ARHGEF4: variants seen among roughly 807,000 people sequenced by gnomAD.
The protein encoded by ARHGEF4 is Rho guanine nucleotide exchange factor 4.
In ARHGEF4, 119 loss-of-function variants were observed where a neutral mutation model predicts 162.0. The ratio of observed to expected loss-of-function variants is 0.73; its 90% confidence interval spans 0.63 to 0.86. The LOEUF is 0.86. ARHGEF4 is among the 40% of genes least tolerant of loss of function. The pLI, the probability that ARHGEF4 is intolerant of heterozygous loss-of-function variation, is 0.00. For missense variants in ARHGEF4, 2,488 were observed against 2,456.0 expected (o/e 1.01, Z -0.28); for synonymous variants, 1,014 against 979.9 (o/e 1.03, Z -0.65).
chr2:130,865,028 A>C (rs55852645), intron 1 of ARHGEF4, among the ~76,000 whole-genome samples: 12,603 of 152,248 alleles, frequency 0.083, 999 homozygotes, highest in African/African-American at 0.2. Flanking sequence ...AAAGCCGATA[A>C]GGTGATGCAA....
At chr2:130,901,236 G>C (rs1483482094) in intron 1 of ARHGEF4, among the ~76,000 whole-genome samples, 1 of 152,152 alleles carries the variant, frequency 6.6e-6, no homozygotes, top group Non-Finnish European at 1.5e-5. Flanking sequence ...CTGGGTGGAG[G>C]GCCAGGAGAC....
intron 4 of ARHGEF4, among the ~76,000 whole-genome samples, chr2:130,997,264 A>G (rs757855326): frequency 1.1e-4 from 17 of 152,218 alleles, no homozygotes; most frequent in Non-Finnish European, 2.4e-4. Context: ...GCTATTATGA[A>G]TACAACCTTC....
chr2:130,897,696 G>A (rs1001104963), intron 1 of ARHGEF4, among the ~76,000 whole-genome samples: 5 of 152,178 alleles, frequency 3.3e-5, no homozygotes, highest in Admixed American at 1.3e-4. Context: ...ATAAAATACC[G>A]TGTGCTCTCT....
intron 1 of ARHGEF4, among the ~76,000 whole-genome samples, chr2:130,841,475 C>G (rs529031485): frequency 6.6e-6 from 1 of 151,036 alleles, no homozygotes; most frequent in Non-Finnish European, 1.5e-5. Context: ...ATGGGTGAGT[C>G]GTCAGTGCCA....
intron 1 of ARHGEF4, among the ~76,000 whole-genome samples, chr2:130,903,928 G>A (rs1559029609): frequency 6.6e-6 from 1 of 152,148 alleles, no homozygotes; most frequent in African/African-American, 2.4e-5. Flanking sequence ...GCCCACCACT[G>A]ATGGGCACCT....
chr2:130,899,297 A>G (rs1310208685), intron 1 of ARHGEF4, among the ~76,000 whole-genome samples: 3 of 152,216 alleles, frequency 2.0e-5, no homozygotes, highest in Non-Finnish European at 2.9e-5. Flanking sequence ...CGTGCCTTCA[A>G]GGATCATGGG....
chr2:130,881,030 T>TTTG (rs542810002), intron 1 of ARHGEF4, among the ~76,000 whole-genome samples: 5,917 of 152,096 alleles, frequency 0.039, 158 homozygotes, highest in Non-Finnish European at 0.057. Flanking sequence ...AAACATTATT[T>TTTG]TTGTTGTTGT....
intron 1 of ARHGEF4, among the ~76,000 whole-genome samples, chr2:130,875,292 G>A (rs766210186): frequency 2.0e-5 from 3 of 152,036 alleles, no homozygotes; most frequent in Non-Finnish European, 2.9e-5. Context: ...CTCCAGCCCC[G>A]ATATCACTCT....
chr2:130,998,515 C>T (rs1161133910), intron 4 of ARHGEF4, among the ~76,000 whole-genome samples: 4 of 152,202 alleles, frequency 2.6e-5, no homozygotes, highest in African/African-American at 4.8e-5. Flanking sequence ...TTCCCTTCTT[C>T]GTGGTTTTGC....
At chr2:130,887,809 G>A (rs907339718) in intron 1 of ARHGEF4, among the ~76,000 whole-genome samples, 5 of 152,106 alleles carry the variant, frequency 3.3e-5, no homozygotes, top group South Asian at 2.1e-4. Flanking sequence ...TCTCCAGGAC[G>A]GCGTCCTTTG....
At chr2:130,952,840 A>G (rs1409973577) in intron 4 of ARHGEF4, among the ~76,000 whole-genome samples, 1 of 152,186 alleles carries the variant, frequency 6.6e-6, no homozygotes, top group African/African-American at 2.4e-5. Flanking sequence ...TAGGAATCCA[A>G]CTTACAAGGG....
intron 3 of ARHGEF4, among the ~76,000 whole-genome samples, chr2:130,944,037 A>C (rs763447540): frequency 3.9e-5 from 6 of 152,116 alleles, no homozygotes; most frequent in Non-Finnish European, 5.9e-5. Context: ...TTTTACCTTC[A>C]TTCCTGAACA....
At chr2:131,031,100 G>A (rs1341287760) in intron 5 of ARHGEF4, among the ~76,000 whole-genome samples, 3 of 152,160 alleles carry the variant, frequency 2.0e-5, no homozygotes, top group African/African-American at 7.2e-5. Context: ...ATATGTAGGG[G>A]CTAAATTGTG....
intron 2 of ARHGEF4, among the ~76,000 whole-genome samples, chr2:130,918,702 C>A (rs1371123978): frequency 6.6e-6 from 1 of 152,230 alleles, no homozygotes; most frequent in East Asian, 1.9e-4. Flanking sequence ...GGTTTCCCAG[C>A]AGAGCATCCC....
intron 1 of ARHGEF4, among the ~76,000 whole-genome samples, chr2:130,855,302 C>T (rs1681701896): frequency 6.6e-6 from 1 of 152,122 alleles, no homozygotes; most frequent in Admixed American, 6.5e-5. Flanking sequence ...CAGGGGTCAC[C>T]AAGACCACTG....
At chr2:130,886,385 G>C (rs1679521848) in intron 1 of ARHGEF4, among the ~76,000 whole-genome samples, 1 of 151,824 alleles carries the variant, frequency 6.6e-6, no homozygotes, top group South Asian at 2.1e-4. Context: ...ATTTTTATAA[G>C]ATTGGATGAT....
intron 1 of ARHGEF4, among the ~76,000 whole-genome samples, chr2:130,886,570 A>G (rs192138023): frequency 2.4e-4 from 36 of 151,684 alleles, no homozygotes; most frequent in African/African-American, 8.5e-4. Context: ...AGTCCCAGCT[A>G]CTTGGAAGGC....
chr2:131,039,303 A>T, intron 6 of ARHGEF4: 1 of 1,257,678 alleles, frequency 8.0e-7, no homozygotes, highest in East Asian at 3.6e-5. Flanking sequence ...ATACCCCCGC[A>T]ACTCCAGGCG....
At chr2:130,930,556 G>T (rs1055059171) in intron 2 of ARHGEF4, among the ~76,000 whole-genome samples, 4 of 152,146 alleles carry the variant, frequency 2.6e-5, no homozygotes, top group Admixed American at 6.5e-5. Context: ...ACTGGGCTCT[G>T]GAAGAGTGCT....
Sources: allele counts gnomAD v4.1 joint callset (sites outside exome capture counted in the v4.1 genomes callset), GRCh38; gene constraint gnomAD v4.1.1; transcripts MANE v1.5; gene names NCBI Gene and HGNC (gene_info 2026-07-23, HGNC 2026-07-21).